CAMSAP2: variants seen among roughly 807,000 people sequenced by gnomAD.
CAMSAP2 encodes the protein calmodulin regulated spectrin associated protein family member 2.
A neutral mutation model predicts 146.1 loss-of-function variants in CAMSAP2; 26 were observed. That is an observed-to-expected ratio of 0.18 (90% CI 0.13 to 0.25). The LOEUF (loss-of-function observed/expected upper bound fraction) is 0.25, where lower values mean the gene tolerates loss of function less well. Among genes scored for constraint, CAMSAP2 ranks in the 10% least tolerant of loss-of-function variants. The pLI is 1.00. For missense variants in CAMSAP2, 1,381 were observed against 1,759.3 expected (o/e 0.78, Z 3.85); for synonymous variants, 499 against 596.6 (o/e 0.84, Z 2.38).
chr1:200,741,657 A>G (rs995963955), intron 1 of CAMSAP2, among the ~76,000 whole-genome samples: 1 of 152,260 alleles, frequency 6.6e-6, no homozygotes, highest in Non-Finnish European at 1.5e-5. Flanking sequence ...CCATGCATAC[A>G]CAAAAGCTTC....
chr1:200,816,849 C>T (rs796901382), intron 4 of CAMSAP2, among the ~76,000 whole-genome samples: 1 of 77,092 alleles, frequency 1.3e-5, no homozygotes, highest in African/African-American at 5.5e-5. Flanking sequence ...TGTGTGTACA[C>T]ACACACGCGT....
intron 3 of CAMSAP2, among the ~76,000 whole-genome samples, chr1:200,810,939 C>A (rs1666313799): frequency 1.3e-5 from 2 of 152,122 alleles, no homozygotes; most frequent in African/African-American, 4.8e-5. Flanking sequence ...TCCTAAGAAA[C>A]AAAACTTCCC....
chr1:200,780,148 T>G (rs1328994725), intron 2 of CAMSAP2, among the ~76,000 whole-genome samples: 1 of 152,222 alleles, frequency 6.6e-6, no homozygotes, highest in South Asian at 2.1e-4. Flanking sequence ...AAAAGCATTA[T>G]TTATTGAATT....
chr1:200,814,091 G>A (rs528574799), intron 3 of CAMSAP2, among the ~76,000 whole-genome samples: 2 of 105,882 alleles, frequency 1.9e-5, no homozygotes, highest in Non-Finnish European at 3.5e-5. Flanking sequence ...CTGGCTGACA[G>A]AGTGAGACTG....
chr1:200,822,997 G>A (rs1195600390), intron 4 of CAMSAP2, among the ~76,000 whole-genome samples: 1 of 152,014 alleles, frequency 6.6e-6, no homozygotes, highest in Admixed American at 6.6e-5. Flanking sequence ...GTTTGTAATA[G>A]GTAATTTGAG....
At chr1:200,820,243 T>C (rs1466755795) in intron 4 of CAMSAP2, among the ~76,000 whole-genome samples, 6 of 152,026 alleles carry the variant, frequency 3.9e-5, no homozygotes, top group African/African-American at 1.4e-4. Context: ...TGTGTATTTT[T>C]AGTGGAGATG....
intron 2 of CAMSAP2, among the ~76,000 whole-genome samples, chr1:200,799,207 C>G (rs561582095): frequency 6.6e-6 from 1 of 152,166 alleles, no homozygotes; most frequent in East Asian, 1.9e-4. Flanking sequence ...AGAAGTCCCT[C>G]TTTTTCTGTT....
intron 4 of CAMSAP2, among the ~76,000 whole-genome samples, chr1:200,826,276 AC>A (rs1479916602): frequency 6.6e-6 from 1 of 152,042 alleles, no homozygotes; most frequent in Non-Finnish European, 1.5e-5. Flanking sequence ...ACCAAAAAAT[AC>A]AAAAATTAGC....
In CAMSAP2 at chr1:200,832,442, C is replaced by T. The variant is rs1353139648; in HGVS notation, c.787+101C>T. On this transcript the variant is annotated intron_variant, in intron 5 of 16. Transcript: ENST00000358823. This position sits in a 1 kb window ranked among gnomAD's most constrained non-coding sequence, Gnocchi z 4.2. ...CCAGCCTAGGTGACTGAGTGGGACC[C>T]TGTCTCAAAAAAAAGACAATATTAT... 5.3e-6 allele frequency: 6 copies of T among 1,126,162 alleles called. No homozygotes were observed. The highest frequency in any genetic ancestry group is 6.1e-6 in the Non-Finnish European group (5 of 820,444). 69.8% of individuals were successfully genotyped at this position (1,126,162 alleles called of 1,614,324 possible).
intron 4 of CAMSAP2, chr1:200,828,568 T>C (rs775425532): frequency 4.6e-5 from 72 of 1,550,138 alleles, no homozygotes; most frequent in South Asian, 2.5e-4. Flanking sequence ...CTGCTTCCTC[T>C]GAAGTCTCCT....
intron 4 of CAMSAP2, among the ~76,000 whole-genome samples, chr1:200,827,655 A>C (rs2102206295): frequency 6.6e-6 from 1 of 152,216 alleles, no homozygotes; most frequent in East Asian, 1.9e-4. Flanking sequence ...TAATTCTTAA[A>C]GTTCTTGAAA....
chr1:200,750,965 C>T (rs12088680), intron 1 of CAMSAP2, among the ~76,000 whole-genome samples: 23,979 of 143,006 alleles, frequency 0.17, 2,744 homozygotes, highest in East Asian at 0.36. Flanking sequence ...TGCAGTGGCA[C>T]GATCTCGGCT....
intron 1 of CAMSAP2, among the ~76,000 whole-genome samples, chr1:200,749,429 T>C (rs1664436484): frequency 7.3e-6 from 1 of 137,770 alleles, no homozygotes; most frequent in African/African-American, 2.9e-5. Context: ...CATGCTCATG[T>C]GTTCATTGAC....
intron 2 of CAMSAP2, among the ~76,000 whole-genome samples, chr1:200,762,119 G>A (rs529364899): frequency 2.0e-5 from 3 of 152,252 alleles, no homozygotes; most frequent in East Asian, 3.9e-4. Context: ...TAAAATTTAT[G>A]AAGTTATGTA....
At chr1:200,821,883 C>G (rs1043799294) in intron 4 of CAMSAP2, among the ~76,000 whole-genome samples, 2 of 152,116 alleles carry the variant, frequency 1.3e-5, no homozygotes, top group African/African-American at 4.8e-5. Flanking sequence ...ATTTCTCTAA[C>G]AGTTTTATAA....
intron 2 of CAMSAP2, among the ~76,000 whole-genome samples, chr1:200,807,009 A>T (rs866032308): frequency 2.0e-5 from 3 of 152,308 alleles, no homozygotes; most frequent in Middle Eastern, 3.4e-3. Flanking sequence ...GAGAATCTAT[A>T]AACTTGTACT....
chr1:200,780,780 C>T (rs945293829), intron 2 of CAMSAP2, among the ~76,000 whole-genome samples: 1 of 152,128 alleles, frequency 6.6e-6, no homozygotes, highest in Non-Finnish European at 1.5e-5. Flanking sequence ...CTTGTGAAAC[C>T]CCCTGCTGTT....
intron 2 of CAMSAP2, among the ~76,000 whole-genome samples, chr1:200,787,159 A>G (rs151333444): frequency 6.6e-6 from 1 of 152,352 alleles, no homozygotes; most frequent in East Asian, 1.9e-4. Context: ...CCCATGGATC[A>G]GGGAGTAATA....
At chr1:200,831,186 G>A (rs1031893050) in intron 4 of CAMSAP2, among the ~76,000 whole-genome samples, 6 of 152,118 alleles carry the variant, frequency 3.9e-5, no homozygotes, top group Non-Finnish European at 7.4e-5. Context: ...ACTTTCGTGT[G>A]TACATTCACT....
Sources: gnomAD v4.1 joint callset for allele counts (sites outside exome capture counted in the v4.1 genomes callset) on GRCh38, gnomAD v4.1.1 for gene constraint, Gnocchi (gnomAD v3.1) non-coding constraint, MANE v1.5 for transcripts, NCBI Gene and HGNC (gene_info 2026-07-23, HGNC 2026-07-21) for gene names.